Variants in ABCG4 observed in about 807,000 individuals in gnomAD.
ABCG4 encodes the protein ATP binding cassette subfamily G member 4, also known as ATP-binding cassette sub-family G member 4.
Under a neutral mutation model 64.6 loss-of-function variants are expected in ABCG4, and 35 were observed. That is an observed-to-expected ratio of 0.54 (90% CI 0.41 to 0.72). ABCG4 has a LOEUF of 0.72. Ranked by LOEUF, ABCG4 falls within the 30% of genes least tolerant of loss-of-function variation. The pLI is 0.00. For synonymous variants in ABCG4, 326 were observed against 348.2 expected, an observed-to-expected ratio of 0.94 and a Z score of 0.71; for missense variants, 610 against 846.3, an observed-to-expected ratio of 0.72 and a Z score of 3.46.
At chr11:119,152,581 C>A (rs1461023421) in intron 2 of ABCG4, among the ~76,000 whole-genome samples, 1 of 152,212 alleles carries the variant, frequency 6.6e-6, no homozygotes, top group African/African-American at 2.4e-5. Flanking sequence ...ACCTATGAGG[C>A]AGGTCTGCCA....
chr11:119,160,325 C>T lies in ABCG4; in HGVS notation c.1536C>T (p.Ala512=), dbSNP rs748591012. 9 of 1,613,600 alleles carry T rather than the reference C, an allele frequency of 5.6e-6. No individual in the cohort carries two copies. Among genetic ancestry groups the T allele is most frequent in the African/African-American group, 1.3e-5 (1 of 74,928 alleles). The change falls in exon 13 of 15, where the codon GCC becomes GCT. Residue 512 remains alanine (A), a synonymous_variant. Coordinates refer to ENST00000619701, the MANE Select transcript of ABCG4 (RefSeq NM_022169.5). The surrounding 1 kb of genome is among the most constrained non-coding windows in gnomAD (Gnocchi z 4.6). ...RFLLFSALAT[A]TALVAQSLGL... ...TGCTCTTCTCAGCCCTGGCCACCGC[C>T]ACCGCCTTGGTGGCCCAATCTTTGG...
chr11:119,150,257 C>T lies in ABCG4; in HGVS notation c.238+54C>T, dbSNP rs1323118045. 2 of 1,582,622 alleles carry T rather than the reference C, an allele frequency of 1.3e-6. No individual in the cohort carries two copies. Among genetic ancestry groups the T allele is most frequent in the African/African-American group, 2.7e-5 (2 of 74,376 alleles). ...GTGGGCCCTCTCTGAGTTGCCTCTC[C>T]AGAAGCATGAGGCCTGGGTGTCCCA... is the stretch of plus-strand genomic sequence containing the variant. On this transcript the variant is annotated intron_variant, in intron 2 of 14. Coordinates refer to ENST00000619701, the MANE Select transcript of ABCG4 (RefSeq NM_022169.5). This position sits in a 1 kb window ranked among gnomAD's most constrained non-coding sequence, Gnocchi z 4.3.
rs569977906 is a variant in ABCG4, at chr11:119,151,375, A to C, written c.238+1172A>C. Reference sequence around the variant, plus strand: ...GACCTTGCCAGCCTCATTCTGCTGTACTGGCCATTTTGCCATTTCTTTCAT... The same window carrying C: ...GACCTTGCCAGCCTCATTCTGCTGTCCTGGCCATTTTGCCATTTCTTTCAT... On this transcript the variant is annotated intron_variant, in intron 2 of 14. Transcript: ENST00000619701. Among the ~76,000 whole-genome samples the C allele has an allele frequency of 6.6e-5, 10 of 152,168 alleles. 1 individual carries two copies. In the South Asian group the frequency reaches 2.1e-3, roughly 32 times the overall value.
chr11:119,152,287 A>G (rs1327907580), intron 2 of ABCG4, among the ~76,000 whole-genome samples: 1 of 152,168 alleles, frequency 6.6e-6, no homozygotes, highest in Admixed American at 6.5e-5. Flanking sequence ...GTTGTTAGAG[A>G]AACAGTTGAA....
In ABCG4 at chr11:119,154,688, G is replaced by A. The variant is rs540123457; in HGVS notation, c.541-82G>A. 209 of 1,588,716 alleles carry A rather than the reference G, an allele frequency of 1.3e-4. 1 individual carries two copies. The Middle Eastern group carries it at 1.6e-3, about 12-fold the overall frequency. On this transcript the variant is annotated intron_variant, in intron 5 of 14. Transcript: ENST00000619701. This position sits in a 1 kb window ranked among gnomAD's most constrained non-coding sequence, Gnocchi z 7.0. ...CCTAGGCCGAGACAATGCACTTAAG[G>A]GAGATGCTTTTTGAAGCTGGGGTGG...
At position 119,156,529 on chromosome 11, in the gene ABCG4, G is replaced by C. The variant is rs372377217; in HGVS notation, c.811-35G>C. The C allele has an allele frequency of 5.0e-6, 8 of 1,613,708 alleles. No individual in the cohort carries two copies. The highest frequency in any genetic ancestry group is 5.9e-6 in the Non-Finnish European group (7 of 1,179,790). Reference sequence around the variant, plus strand: ...GGGGGTCAGTAGGGGTGCCTGGCCCGCTGTTCCTTCCTTACCCTTCTCTTT... The same window carrying C: ...GGGGGTCAGTAGGGGTGCCTGGCCCCCTGTTCCTTCCTTACCCTTCTCTTT... On this transcript the variant is annotated intron_variant, in intron 7 of 14. Coordinates refer to ENST00000619701, the MANE Select transcript of ABCG4 (RefSeq NM_022169.5). This position sits in a 1 kb window ranked among gnomAD's most constrained non-coding sequence, Gnocchi z 5.5.
chr11:119,158,859 A>C lies in ABCG4; in HGVS notation c.1367A>C (p.Glu456Ala). ...FPLEMAVFMR[E>A]HLNYWYSLKA... The stretch of plus-strand genomic sequence containing the variant: ...TTAGAGATGGCGGTCTTCATGAGGG[A>C]GCACCTCAACTACTGGTACAGCCTC... The change falls in exon 12 of 15, where the codon GAG becomes GCG. Residue 456 changes from glutamate to alanine, a missense_variant. Transcript: ENST00000619701. The surrounding 1 kb of genome is among the most constrained non-coding windows in gnomAD (Gnocchi z 4.5). The C allele has an allele frequency of 2.5e-6, 4 of 1,614,138 alleles. No homozygotes were observed. The highest frequency in any genetic ancestry group is 3.4e-6 in the Non-Finnish European group (4 of 1,180,018).
At chr11:119,151,068 A>T (rs1948188317) in intron 2 of ABCG4, among the ~76,000 whole-genome samples, 1 of 152,074 alleles carries the variant, frequency 6.6e-6, no homozygotes, top group Non-Finnish European at 1.5e-5. Context: ...CCAAACCCTC[A>T]CTCCCATGAG....
At chr11:119,151,570 TATC>T (rs1194392722) in intron 2 of ABCG4, among the ~76,000 whole-genome samples, 1 of 152,210 alleles carries the variant, frequency 6.6e-6, no homozygotes, top group Non-Finnish European at 1.5e-5. Flanking sequence ...AAGGATTTGT[TATC>T]ATCTCCCCTA....
At position 119,160,848 on chromosome 11, in the gene ABCG4, G is replaced by T; in HGVS notation, c.1716-33G>T. ...TTCTCAGAGAGCAGGGACCCTGTGT[G>T]CTGTATCCCATCTGATATCCCTGCC... On this transcript the variant is annotated intron_variant, in intron 14 of 14. Transcript: ENST00000619701. This position sits in a 1 kb window ranked among gnomAD's most constrained non-coding sequence, Gnocchi z 4.6. 4 of 1,599,218 alleles carry T rather than the reference G, an allele frequency of 2.5e-6. No individual in the cohort carries two copies. Among genetic ancestry groups the T allele is most frequent in the Non-Finnish European group, 3.4e-6 (4 of 1,168,528 alleles).
At chr11:119,157,567 A>C (rs1948281797) in intron 9 of ABCG4, among the ~76,000 whole-genome samples, 1 of 152,194 alleles carries the variant, frequency 6.6e-6, no homozygotes, top group African/African-American at 2.4e-5. Flanking sequence ...ATTACTGTAA[A>C]ATTGGTGGCA....
At position 119,160,765 on chromosome 11, in the gene ABCG4, C is replaced by A; in HGVS notation, c.1715+109C>A. 7 of 1,489,472 alleles carry A rather than the reference C, an allele frequency of 4.7e-6. No homozygotes were observed. Among genetic ancestry groups the A allele is most frequent in the Non-Finnish European group, 6.5e-6 (7 of 1,075,374 alleles). 92.3% of individuals were successfully genotyped at this position (1,489,472 alleles called of 1,614,324 possible). On this transcript the variant is annotated intron_variant, in intron 14 of 14. Transcript: ENST00000619701. This position sits in a 1 kb window ranked among gnomAD's most constrained non-coding sequence, Gnocchi z 4.6. ...GCTGCCTGCCCCATTATCCTTTGGG[C>A]AGGGGCACCCTGGCTGCACCCCAGG... is the stretch of plus-strand genomic sequence containing the variant.
chr11:119,150,307 G>A lies in ABCG4; in HGVS notation c.238+104G>A. On this transcript the variant is annotated intron_variant, in intron 2 of 14. Transcript: ENST00000619701. This position sits in a 1 kb window ranked among gnomAD's most constrained non-coding sequence, Gnocchi z 4.3. ...ATGTTCGGAAAGTCCTGCACCAGTG[G>A]GCTCTGTGGAAACACTAAAATCTGG... 6.8e-7 allele frequency: 1 copy of A among 1,469,830 alleles called. No individual in the cohort carries two copies. Among genetic ancestry groups the A allele is most frequent in the African/African-American group, 1.4e-5 (1 of 71,478 alleles). 91.0% of individuals were successfully genotyped at this position (1,469,830 alleles called of 1,614,324 possible). A position where few individuals can be genotyped will look rare whatever the true frequency, so the allele number is the denominator to read the frequency against.
rs2135122709 is a variant in ABCG4 at position 119,155,343 on chromosome 11, A to T, written c.686+428A>T. 6.6e-6 allele frequency among the ~76,000 whole-genome samples: 1 copy of T among 152,088 alleles called. No homozygotes were observed. Among genetic ancestry groups the T allele is most frequent in the South Asian group, 2.1e-4 (1 of 4,828 alleles). ...GTGAACTTTCTTTTATTTTTTTAAG[A>T]TGGAGTCTCGCTCTGTCACCCAGGC... On this transcript the variant is annotated intron_variant, in intron 6 of 14. Coordinates refer to ENST00000619701, the MANE Select transcript of ABCG4 (RefSeq NM_022169.5). This position sits in a 1 kb window ranked among gnomAD's most constrained non-coding sequence, Gnocchi z 4.5.
rs1948367159 is a variant in ABCG4 at position 119,162,418 on chromosome 11, G to A, written c.*1312G>A. 6.6e-6 allele frequency: 1 copy of A among 152,662 alleles called. No homozygotes were observed. Among genetic ancestry groups the A allele is most frequent in the East Asian group, 1.9e-4 (1 of 5,190 alleles). 9.5% of individuals were successfully genotyped at this position (152,662 alleles called of 1,614,324 possible). ...CAGGTGGCCCCTGGGCATCAGAACAGCCTGCCCTGGGCACCAGGTGGCAGA... is the reference window on the plus strand; with the variant it reads ...CAGGTGGCCCCTGGGCATCAGAACAACCTGCCCTGGGCACCAGGTGGCAGA... On this transcript the variant is annotated 3_prime_UTR_variant, in exon 15 of 15. Transcript: ENST00000619701.
At position 119,149,863 on chromosome 11, in the gene ABCG4, GC is replaced by G. The variant is rs1948167776; in HGVS notation, c.-12-90del. ...CGGATCTGCCCCGAGAAGGAGGTGGGCAGTGGGGGCGGGGGAAGCATTAGAA... is the reference window on the plus strand; with the variant it reads ...CGGATCTGCCCCGAGAAGGAGGTGGGAGTGGGGGCGGGGGAAGCATTAGAA... On this transcript the variant is annotated intron_variant, in intron 1 of 14. Coordinates refer to ENST00000619701, the MANE Select transcript of ABCG4 (RefSeq NM_022169.5). This position sits in a 1 kb window ranked among gnomAD's most constrained non-coding sequence, Gnocchi z 8.3. The G allele has an allele frequency of 6.8e-7, 1 of 1,480,646 alleles. No individual in the cohort carries two copies. The highest frequency in any genetic ancestry group is 1.4e-5 in the African/African-American group (1 of 71,830). 91.7% of individuals were successfully genotyped at this position (1,480,646 alleles called of 1,614,324 possible).
Position 119,158,192 on chromosome 11 carries a change from G to A in ABCG4, c.1069-42G>A. The A allele has an allele frequency of 6.7e-7, 1 of 1,494,100 alleles. No homozygotes were observed. 92.6% of individuals were successfully genotyped at this position (1,494,100 alleles called of 1,614,324 possible). The stretch of plus-strand genomic sequence containing the variant: ...TGAGCTGGGTGTTCTGTGGGTGAAT[G>A]GGGTAGGCTCACCTGATCCCGATCC... On this transcript the variant is annotated intron_variant, in intron 9 of 14. Coordinates refer to ENST00000619701, the MANE Select transcript of ABCG4 (RefSeq NM_022169.5). This position sits in a 1 kb window ranked among gnomAD's most constrained non-coding sequence, Gnocchi z 4.5.
Position 119,154,898 on chromosome 11 carries a change from C to G in ABCG4, c.669C>G (p.Phe223Leu). The change falls in exon 6 of 15, where the codon TTC (phenylalanine) becomes TTG (leucine). Residue 223 changes from phenylalanine to leucine, a missense_variant. Transcript: ENST00000619701. The surrounding 1 kb of genome is among the most constrained non-coding windows in gnomAD (Gnocchi z 7.0). ...TGGTCAACAACCCGCCTGTCATGTT[C>G]TTTGATGAGCCCACCAGGTAGTTCT... is the stretch of plus-strand genomic sequence containing the variant. ...LELVNNPPVM[F>L]FDEPTSGLDS... 2 of 1,612,160 alleles carry G rather than the reference C, an allele frequency of 1.2e-6. No individual in the cohort carries two copies. Among genetic ancestry groups the G allele is most frequent in the Non-Finnish European group, 1.7e-6 (2 of 1,178,462 alleles).
In ABCG4 at chr11:119,156,267, A is replaced by C. The variant is rs1158028343; in HGVS notation, c.687-62A>C. The C allele has an allele frequency of 2.4e-5, 39 of 1,610,080 alleles. No individual in the cohort carries two copies. The highest frequency in any genetic ancestry group is 3.1e-5 in the Non-Finnish European group (37 of 1,177,424). On this transcript the variant is annotated intron_variant, in intron 6 of 14. Transcript: ENST00000619701. The surrounding 1 kb of genome is among the most constrained non-coding windows in gnomAD (Gnocchi z 5.5). ...CTTCACAGCAGCTGCCCCGCCCCAG[A>C]CACTCCCTTCTTTTGGCCTCACCCA...
Sources: allele counts gnomAD v4.1 joint callset (sites outside exome capture counted in the v4.1 genomes callset), GRCh38; gene constraint gnomAD v4.1.1; non-coding constraint Gnocchi (gnomAD v3.1); transcripts MANE v1.5; gene names NCBI Gene and HGNC (gene_info 2026-07-23, HGNC 2026-07-21).